DIAPH3: variants seen among roughly 807,000 people sequenced by gnomAD.
DIAPH3 encodes diaphanous related formin 3.
A neutral mutation model predicts 144.3 loss-of-function variants in DIAPH3; 117 were observed. That is an observed-to-expected ratio of 0.81 (90% CI 0.70 to 0.95). The LOEUF is 0.95. DIAPH3 is among the 40% of genes least tolerant of loss of function. The pLI is 0.00. For missense variants in DIAPH3, 1,421 were observed against 1,412.7 expected (o/e 1.01, Z -0.09); for synonymous variants, 519 against 488.9 (o/e 1.06, Z -0.81).
At chr13:60,035,203 C>T (rs1533284) in intron 5 of DIAPH3, among the ~76,000 whole-genome samples, 10,666 of 152,112 alleles carry the variant, frequency 0.07, 416 homozygotes, top group Admixed American at 0.11. Context: ...ATAGAATACA[C>T]GTGTCTGTTA....
chr13:59,857,371 T>C (rs1182180962), intron 22 of DIAPH3, among the ~76,000 whole-genome samples: 2 of 152,148 alleles, frequency 1.3e-5, no homozygotes, highest in Non-Finnish European at 2.9e-5. Flanking sequence ...GGAGACGTAT[T>C]TGAGCAGACA....
At chr13:59,897,430 T>A (rs989866968) in intron 20 of DIAPH3, among the ~76,000 whole-genome samples, 6 of 152,178 alleles carry the variant, frequency 3.9e-5, no homozygotes, top group African/African-American at 1.4e-4. Flanking sequence ...AAATTCTTAA[T>A]GTAAAGTGGA....
chr13:59,777,527 G>A (rs1280085490), intron 25 of DIAPH3, among the ~76,000 whole-genome samples: 1 of 152,140 alleles, frequency 6.6e-6, no homozygotes, highest in Non-Finnish European at 1.5e-5. Flanking sequence ...TTGTGCATAA[G>A]GGATGTAGAG....
At chr13:59,832,298 A>T (rs1384683864) in intron 24 of DIAPH3, among the ~76,000 whole-genome samples, 2 of 151,784 alleles carry the variant, frequency 1.3e-5, no homozygotes, top group Non-Finnish European at 2.9e-5. Context: ...ATCCTAACTA[A>T]ATAATTATAA....
chr13:60,155,271 A>C (rs1291080827), intron 1 of DIAPH3, among the ~76,000 whole-genome samples: 4 of 152,276 alleles, frequency 2.6e-5, no homozygotes, highest in Non-Finnish European at 4.4e-5. Context: ...TGAAAAAAGC[A>C]ATTAAGCCCT....
intron 25 of DIAPH3, among the ~76,000 whole-genome samples, chr13:59,807,877 A>G (rs2040276781): frequency 6.6e-6 from 1 of 152,120 alleles, no homozygotes; most frequent in South Asian, 2.1e-4. Context: ...AAAGAAGGTA[A>G]TGTCATCAAC....
At chr13:59,700,894 G>A (rs1371384302) in intron 27 of DIAPH3, among the ~76,000 whole-genome samples, 1 of 152,022 alleles carries the variant, frequency 6.6e-6, no homozygotes, top group East Asian at 1.9e-4. Context: ...AATCATTTCC[G>A]TTAATAGTTC....
chr13:59,697,599 C>T (rs1051723445), intron 27 of DIAPH3, among the ~76,000 whole-genome samples: 3 of 151,068 alleles, frequency 2.0e-5, no homozygotes, highest in African/African-American at 7.3e-5. Flanking sequence ...ATTAAGTCAT[C>T]GCAGCTACCA....
intron 22 of DIAPH3, among the ~76,000 whole-genome samples, chr13:59,854,496 G>T (rs1242200642): frequency 6.6e-6 from 1 of 152,088 alleles, no homozygotes; most frequent in Non-Finnish European, 1.5e-5. Context: ...TGTCAACCTT[G>T]TCTCCAACAA....
Position 59,736,562 on chromosome 13 carries a change from T to C in DIAPH3, c.3319+37627A>G, listed in dbSNP as rs112760730. Among the ~76,000 whole-genome samples the C allele has an allele frequency of 9.0e-3, 1,377 of 152,290 alleles. 17 individuals carry two copies. The highest frequency in any genetic ancestry group is 0.031 in the African/African-American group (1,295 of 41,544). Reference sequence around the variant, plus strand: ...TGCATGTATGTCTTCTTTTGAGAAGTGTCATTAAAATGGCCATATTACCCA... The same window carrying C: ...TGCATGTATGTCTTCTTTTGAGAAGCGTCATTAAAATGGCCATATTACCCA... On this transcript the variant is annotated intron_variant, in intron 27 of 27. Transcript: ENST00000400324.
intron 4 of DIAPH3, among the ~76,000 whole-genome samples, chr13:60,089,624 G>T (rs904979317): frequency 5.3e-5 from 8 of 152,060 alleles, no homozygotes; most frequent in African/African-American, 1.7e-4. Flanking sequence ...TGCTATCAAG[G>T]CCTTTACCAC....
At chr13:59,782,596 A>G (rs2139339965) in intron 25 of DIAPH3, among the ~76,000 whole-genome samples, 1 of 152,280 alleles carries the variant, frequency 6.6e-6, no homozygotes, top group South Asian at 2.1e-4. Context: ...ATGGCTGAGG[A>G]AGAGAATTTG....
intron 17 of DIAPH3, among the ~76,000 whole-genome samples, chr13:59,927,467 T>G (rs192154601): frequency 2.0e-5 from 3 of 152,308 alleles, no homozygotes; most frequent in Non-Finnish European, 4.4e-5. Flanking sequence ...CCTTTCTCAT[T>G]TGTGTGTCTG....
At chr13:59,792,296 C>A (rs61956705) in intron 25 of DIAPH3, among the ~76,000 whole-genome samples, 1 of 152,092 alleles carries the variant, frequency 6.6e-6, no homozygotes, top group African/African-American at 2.4e-5. Flanking sequence ...TAAAAAGCAC[C>A]CGCCTTTGAG....
At chr13:59,776,473 T>C (rs533419235) in intron 25 of DIAPH3, among the ~76,000 whole-genome samples, 2 of 152,164 alleles carry the variant, frequency 1.3e-5, no homozygotes, top group East Asian at 3.9e-4. Flanking sequence ...GCAGGTAATG[T>C]CAAATATTTA....
intron 21 of DIAPH3, among the ~76,000 whole-genome samples, chr13:59,874,200 A>G (rs1250464716): frequency 2.6e-5 from 4 of 152,136 alleles, no homozygotes; most frequent in Non-Finnish European, 4.4e-5. Flanking sequence ...CAGGATCCAC[A>G]TCCATTCTTT....
chr13:59,751,313 T>G (rs939688576), intron 27 of DIAPH3, among the ~76,000 whole-genome samples: 1 of 152,250 alleles, frequency 6.6e-6, no homozygotes, highest in Non-Finnish European at 1.5e-5. Context: ...CCATCATCTT[T>G]AAGTTTAATT....
intron 27 of DIAPH3, among the ~76,000 whole-genome samples, chr13:59,709,668 G>A (rs951430253): frequency 1.1e-4 from 17 of 152,138 alleles, no homozygotes; most frequent in South Asian, 2.1e-4. Context: ...TAGTTCAACC[G>A]TTGTGGAAGG....
At chr13:59,685,050 C>A (rs2033144131) in intron 27 of DIAPH3, among the ~76,000 whole-genome samples, 1 of 151,930 alleles carries the variant, frequency 6.6e-6, no homozygotes, top group African/African-American at 2.4e-5. Context: ...ATGGTAACAG[C>A]AATACACTTA....
Sources: gnomAD v4.1 joint callset for allele counts (sites outside exome capture counted in the v4.1 genomes callset) on GRCh38, gnomAD v4.1.1 for gene constraint, MANE v1.5 for transcripts, NCBI Gene and HGNC (gene_info 2026-07-23, HGNC 2026-07-21) for gene names.